The following PEAK1 variants were observed in gnomAD, a reference collection of about 807,000 sequenced individuals.
PEAK1 encodes the protein pseudopodium enriched atypical kinase 1.
A neutral mutation model predicts 124.7 loss-of-function variants in PEAK1; 54 were observed. The ratio of observed to expected loss-of-function variants is 0.43; its 90% CI spans 0.35 to 0.54. The LOEUF (loss-of-function observed/expected upper bound fraction) is 0.54. Among genes scored for constraint, PEAK1 ranks in the 20% least tolerant of loss-of-function variants. The pLI is 0.01. For synonymous variants in PEAK1, 719 were observed against 760.0 expected (o/e 0.95, Z 0.89); for missense variants, 2,046 against 2,134.5 (o/e 0.96, Z 0.82).
chr15:77,182,997 T>C (rs1307338003), intron 6 of PEAK1, among the ~76,000 whole-genome samples: 3 of 151,408 alleles, frequency 2.0e-5, no homozygotes, highest in African/African-American at 7.3e-5. Context: ...TGAGCAAAAC[T>C]ATAAAACACT....
At chr15:77,368,760 C>T (rs566959798) in intron 1 of PEAK1, among the ~76,000 whole-genome samples, 23 of 152,240 alleles carry the variant, frequency 1.5e-4, no homozygotes, top group African/African-American at 5.3e-4. Flanking sequence ...TCATGTTCAG[C>T]AGTGAGTGTA....
chr15:77,330,095 GTTTT>G (rs910728729), intron 2 of PEAK1, among the ~76,000 whole-genome samples: 4 of 151,078 alleles, frequency 2.6e-5, no homozygotes, highest in East Asian at 3.9e-4. Flanking sequence ...AGTCACTTTA[GTTTT>G]TTTTTACTGC....
intron 2 of PEAK1, chr15:77,332,062 CTG>C (rs1323879537): frequency 2.2e-6 from 1 of 462,522 alleles, no homozygotes; most frequent in East Asian, 1.6e-4. Flanking sequence ...CATGGCGAAA[CTG>C]TCTCTACTAA....
intron 2 of PEAK1, among the ~76,000 whole-genome samples, chr15:77,293,252 T>C (rs766133158): frequency 1.3e-5 from 2 of 152,162 alleles, no homozygotes; most frequent in African/African-American, 4.8e-5. Flanking sequence ...TCCAAAAATG[T>C]TACTGCCACT....
chr15:77,225,530 G>A (rs1263758513), intron 6 of PEAK1, among the ~76,000 whole-genome samples: 1 of 151,048 alleles, frequency 6.6e-6, no homozygotes, highest in Non-Finnish European at 1.5e-5. Flanking sequence ...CTCATCTGCT[G>A]CAGTTTCTGC....
At chr15:77,197,794 T>C (rs979772338) in intron 6 of PEAK1, among the ~76,000 whole-genome samples, 2 of 152,148 alleles carry the variant, frequency 1.3e-5, no homozygotes, top group African/African-American at 4.8e-5. Flanking sequence ...CAGACTACAG[T>C]TGACCCTTGA....
At chr15:77,255,918 G>A (rs1308648609) in intron 5 of PEAK1, among the ~76,000 whole-genome samples, 1 of 152,118 alleles carries the variant, frequency 6.6e-6, no homozygotes. Context: ...TGTATTTTGT[G>A]TTGTAACTGG....
chr15:77,295,754 A>C (rs970592962), intron 2 of PEAK1, among the ~76,000 whole-genome samples: 2 of 152,236 alleles, frequency 1.3e-5, no homozygotes, highest in Admixed American at 1.3e-4. Context: ...AAACATGTCC[A>C]AACAGTAAGA....
At chr15:77,251,557 C>T (rs2060883678) in intron 6 of PEAK1, among the ~76,000 whole-genome samples, 1 of 152,016 alleles carries the variant, frequency 6.6e-6, no homozygotes, top group African/African-American at 2.4e-5. Context: ...ACCAAAAAAT[C>T]CTTTGCATAC....
At chr15:77,398,073 T>C (rs1404056749) in intron 1 of PEAK1, among the ~76,000 whole-genome samples, 1 of 151,714 alleles carries the variant, frequency 6.6e-6, no homozygotes, top group East Asian at 1.9e-4. Flanking sequence ...CTCAAAAAAA[T>C]AAATAAAATA....
intron 6 of PEAK1, among the ~76,000 whole-genome samples, chr15:77,224,412 C>A (rs1427279586): frequency 6.6e-6 from 1 of 151,922 alleles, no homozygotes. Context: ...TCTGATGGTG[C>A]CTTTCTTTCT....
chr15:77,418,192 GATCTT>G (rs1327521233), intron 1 of PEAK1: 1 of 985,184 alleles, frequency 1.0e-6, no homozygotes, highest in African/African-American at 1.7e-5. Flanking sequence ...AGTTCAAAGT[GATCTT>G]ATCTTTTTCT....
At position 77,346,379 on chromosome 15, in the gene PEAK1, C is replaced by G. The variant is rs562886764; in HGVS notation, c.-603+18784G>C. On this transcript the variant is annotated intron_variant, in intron 2 of 9. Transcript: ENST00000682557. ...TTTGTTCCTGTTCTATAATCCCAGA[C>G]AGAAAAATGTTTATGAGAAGGCAAT... is the stretch of plus-strand genomic sequence containing the variant. 1.9e-5 allele frequency: 19 copies of G among 984,782 alleles called. No individual in the cohort carries two copies. In the East Asian group the frequency reaches 1.6e-3, roughly 82 times the overall value. 61.0% of individuals were successfully genotyped at this position (984,782 alleles called of 1,614,324 possible).
chr15:77,145,215 G>A (rs781158066), intron 8 of PEAK1, among the ~76,000 whole-genome samples: 9 of 152,198 alleles, frequency 5.9e-5, no homozygotes, highest in Non-Finnish European at 1.0e-4. Flanking sequence ...TCGGGAGGCC[G>A]AGGTGGGTGG....
intron 2 of PEAK1, among the ~76,000 whole-genome samples, chr15:77,299,190 T>A (rs2063663486): frequency 6.6e-6 from 1 of 152,232 alleles, no homozygotes; most frequent in Non-Finnish European, 1.5e-5. Context: ...TTTAATATCT[T>A]AATTTTCTTC....
exon 7 of PEAK1, chr15:77,102,119 G>C (rs1388300845): frequency 6.6e-6 from 1 of 152,036 alleles, no homozygotes; most frequent in Admixed American, 6.5e-5. Flanking sequence ...CTGTAAACAG[G>C]CATTATTTTT....
At chr15:77,311,398 G>A (rs1166990146) in intron 2 of PEAK1, among the ~76,000 whole-genome samples, 1 of 152,248 alleles carries the variant, frequency 6.6e-6, no homozygotes, top group Non-Finnish European at 1.5e-5. Flanking sequence ...AAGGCAGGCC[G>A]GGTGCAGTGG....
chr15:77,385,015 C>A (rs1301888079), intron 1 of PEAK1, among the ~76,000 whole-genome samples: 1 of 152,152 alleles, frequency 6.6e-6, no homozygotes, highest in Admixed American at 6.6e-5. Flanking sequence ...TTTCTCAGAG[C>A]ATATGCAATT....
At chr15:77,266,346 G>A (rs368525145) in intron 5 of PEAK1, among the ~76,000 whole-genome samples, 1 of 152,136 alleles carries the variant, frequency 6.6e-6, no homozygotes, top group African/African-American at 2.4e-5. Flanking sequence ...CACAGAGTGG[G>A]TATCATCAGA....
Sources: gnomAD v4.1 joint callset for allele counts (sites outside exome capture counted in the v4.1 genomes callset) on GRCh38, gnomAD v4.1.1 for gene constraint, MANE v1.5 for transcripts, NCBI Gene and HGNC (gene_info 2026-07-23, HGNC 2026-07-21) for gene names.